LRP1B: variants seen among roughly 807,000 people sequenced by gnomAD.
The protein encoded by LRP1B is LDL receptor related protein 1B, also known as low-density lipoprotein receptor-related protein 1B.
LRP1B carries 217 observed loss-of-function variants against 556.6 expected under a neutral mutation model. The ratio of observed to expected loss-of-function variants is 0.39; its 90% CI spans 0.35 to 0.44. The LOEUF is 0.44. Among genes scored for constraint, LRP1B ranks in the 20% least tolerant of loss-of-function variants. The probability of loss-of-function intolerance (pLI) is 1.00; values close to 1 mark genes in which losing one functional copy is unlikely to be tolerated. For missense variants in LRP1B, 5,053 were observed against 5,620.8 expected (o/e 0.90, Z 3.23); for synonymous variants, 2,047 against 1,865.8 (o/e 1.10, Z -2.50).
At chr2:141,362,604 A>C (rs967946672) in intron 3 of LRP1B, among the ~76,000 whole-genome samples, 1 of 152,242 alleles carries the variant, frequency 6.6e-6, no homozygotes, top group African/African-American at 2.4e-5. Flanking sequence ...GATTTCTAAA[A>C]TATGCATATG....
intron 15 of LRP1B, among the ~76,000 whole-genome samples, chr2:140,994,836 A>G (rs1697195911): frequency 6.6e-6 from 1 of 152,092 alleles, no homozygotes; most frequent in African/African-American, 2.4e-5. Context: ...ATTTTGCTAC[A>G]ATAACAAAAT....
intron 73 of LRP1B, among the ~76,000 whole-genome samples, chr2:140,358,494 A>C (rs899931510): frequency 6.6e-6 from 1 of 151,830 alleles, no homozygotes; most frequent in Non-Finnish European, 1.5e-5. Context: ...AGAAAAAAGA[A>C]TTGCATAGAC....
chr2:140,761,011 A>C (rs1688902372), intron 35 of LRP1B, among the ~76,000 whole-genome samples: 1 of 152,220 alleles, frequency 6.6e-6, no homozygotes, highest in Non-Finnish European at 1.5e-5. Context: ...GTGTGGAGAA[A>C]GCAAATGATG....
chr2:140,627,259 G>A (rs1387804247), intron 41 of LRP1B, among the ~76,000 whole-genome samples: 1 of 152,232 alleles, frequency 6.6e-6, no homozygotes, highest in South Asian at 2.1e-4. Context: ...ATGTGTCTGC[G>A]AGGGTGTTGA....
At chr2:140,779,793 C>T (rs1388321389) in intron 32 of LRP1B, among the ~76,000 whole-genome samples, 1 of 127,636 alleles carries the variant, frequency 7.8e-6, no homozygotes, top group Non-Finnish European at 1.6e-5. Flanking sequence ...TGTAGCAGTG[C>T]AGAGGGGAGA....
chr2:141,395,015 AAT>A (rs1314283126), intron 3 of LRP1B, among the ~76,000 whole-genome samples: 1 of 152,114 alleles, frequency 6.6e-6, no homozygotes, highest in African/African-American at 2.4e-5. Context: ...GATTTTAGTC[AAT>A]GATGGACTGC....
intron 2 of LRP1B, among the ~76,000 whole-genome samples, chr2:141,573,700 T>A (rs1171193711): frequency 6.8e-6 from 1 of 146,078 alleles, no homozygotes. Context: ...AATAGACCAC[T>A]AGCTAGACTC....
chr2:140,496,997 T>G (rs1484617293), intron 55 of LRP1B, among the ~76,000 whole-genome samples: 1 of 151,590 alleles, frequency 6.6e-6, no homozygotes, highest in African/African-American at 2.4e-5. Context: ...ATGATATATG[T>G]CCATATTAAT....
chr2:140,588,966 G>GAAA (rs34845216), intron 43 of LRP1B, among the ~76,000 whole-genome samples: 1 of 134,014 alleles, frequency 7.5e-6, no homozygotes. Flanking sequence ...CCGTCTCAAA[G>GAAA]AAAAAAAAAA....
At chr2:141,486,095 C>T (rs1683111526) in intron 2 of LRP1B, among the ~76,000 whole-genome samples, 1 of 152,132 alleles carries the variant, frequency 6.6e-6, no homozygotes, top group Non-Finnish European at 1.5e-5. Context: ...TGTGCACATT[C>T]AGAAAACATT....
intron 2 of LRP1B, among the ~76,000 whole-genome samples, chr2:141,499,999 C>T (rs1168529951): frequency 1.3e-5 from 2 of 152,014 alleles, no homozygotes; most frequent in Admixed American, 1.3e-4. Flanking sequence ...TAAGGAACAG[C>T]AGATATGGGA....
At chr2:141,812,617 A>G (rs1455837839) in intron 1 of LRP1B, among the ~76,000 whole-genome samples, 1 of 152,170 alleles carries the variant, frequency 6.6e-6, no homozygotes, top group Non-Finnish European at 1.5e-5. Context: ...TCTTAAAAAC[A>G]TAGGATCAGT....
chr2:141,966,255 C>A (rs1275240472), intron 1 of LRP1B, among the ~76,000 whole-genome samples: 6 of 151,914 alleles, frequency 3.9e-5, no homozygotes, highest in African/African-American at 1.4e-4. Flanking sequence ...AGTCGTTTTC[C>A]CTCTACTAGA....
intron 41 of LRP1B, among the ~76,000 whole-genome samples, chr2:140,680,253 C>T (rs1039992138): frequency 6.6e-5 from 10 of 152,098 alleles, no homozygotes; most frequent in African/African-American, 1.7e-4. Flanking sequence ...CACTCCCACA[C>T]GTAGGCATGG....
intron 7 of LRP1B, among the ~76,000 whole-genome samples, chr2:141,133,247 T>C (rs1701404240): frequency 6.6e-6 from 1 of 151,400 alleles, no homozygotes; most frequent in Non-Finnish European, 1.5e-5. Context: ...AAATTAAATA[T>C]TTTTAATGAT....
chr2:141,072,101 C>G (rs1028841421), intron 7 of LRP1B, among the ~76,000 whole-genome samples: 1 of 152,058 alleles, frequency 6.6e-6, no homozygotes, highest in Admixed American at 6.6e-5. Context: ...ACCAACCTCC[C>G]CTCTTCCTAC....
At chr2:140,304,743 T>A (rs1683991535) in intron 83 of LRP1B, among the ~76,000 whole-genome samples, 1 of 152,218 alleles carries the variant, frequency 6.6e-6, no homozygotes, top group Non-Finnish European at 1.5e-5. Context: ...GCCTATGTCC[T>A]GAATGGTATT....
At position 142,068,202 on chromosome 2, in the gene LRP1B, C is replaced by A. The variant is rs75320135; in HGVS notation, c.82+62446G>T. Among the ~76,000 whole-genome samples the A allele has an allele frequency of 2.3e-3, 352 of 151,574 alleles. 4 individuals are homozygous for A. Among genetic ancestry groups the A allele is most frequent in the Non-Finnish European group, 4.1e-3 (278 of 67,654 alleles). On this transcript the variant is annotated intron_variant, in intron 1 of 90. Transcript: ENST00000389484. ...GTTATTTTATGAAATGCAGTAAAAT[C>A]TGGTTTTACTTTAAGATATAACTCA...
chr2:141,662,030 C>T (rs1452479319), intron 2 of LRP1B, among the ~76,000 whole-genome samples: 2 of 152,174 alleles, frequency 1.3e-5, no homozygotes, highest in African/African-American at 4.8e-5. Context: ...CAATTTTAGA[C>T]ATTCTTAAAG....
Sources: gnomAD v4.1 joint callset for allele counts (sites outside exome capture counted in the v4.1 genomes callset) on GRCh38, gnomAD v4.1.1 for gene constraint, MANE v1.5 for transcripts, NCBI Gene and HGNC (gene_info 2026-07-23, HGNC 2026-07-21) for gene names.